The following GREB1L variants were observed in gnomAD, a reference collection of about 807,000 sequenced individuals.
The protein encoded by GREB1L is GREB1-like protein.
A neutral mutation model predicts 200.8 loss-of-function variants in GREB1L; 17 were observed. The ratio of observed to expected loss-of-function variants is 0.08; its 90% CI spans 0.06 to 0.13. The LOEUF is 0.13. GREB1L is among the 10% of genes least tolerant of loss of function. The pLI, the probability that GREB1L is intolerant of heterozygous loss-of-function variation, is 1.00. For missense variants in GREB1L, 1,657 were observed against 2,367.7 expected, an observed-to-expected ratio of 0.70 and a Z score of 6.23; for synonymous variants, 789 against 893.0, an observed-to-expected ratio of 0.88 and a Z score of 2.08.
chr18:21,346,634 C>A (rs1307728912), intron 1 of GREB1L, among the ~76,000 whole-genome samples: 1 of 152,106 alleles, frequency 6.6e-6, no homozygotes, highest in Admixed American at 6.6e-5. Flanking sequence ...TTTCTCCTGT[C>A]CTAATTAGGT....
intron 16 of GREB1L, among the ~76,000 whole-genome samples, chr18:21,474,253 G>T (rs1349178292): frequency 6.6e-6 from 1 of 152,152 alleles, no homozygotes. Context: ...TTCTGCCTAG[G>T]AGCCTGTAAA....
At chr18:21,296,992 G>T (rs1225557249) in intron 1 of GREB1L, among the ~76,000 whole-genome samples, 3 of 152,046 alleles carry the variant, frequency 2.0e-5, no homozygotes, top group African/African-American at 2.4e-5. Flanking sequence ...CAGGATTTTT[G>T]AGTTTTACAC....
At chr18:21,361,047 T>G (rs1193901099) in intron 1 of GREB1L, among the ~76,000 whole-genome samples, 2 of 152,114 alleles carry the variant, frequency 1.3e-5, no homozygotes, top group Non-Finnish European at 2.9e-5. Flanking sequence ...GACCCAGGAG[T>G]CTGTGACCTA....
rs1221614291 is a variant in GREB1L at position 21,521,874 on chromosome 18, T to C, written c.5609-784T>C. Among the ~76,000 whole-genome samples, 12 of 151,072 alleles carry C rather than the reference T, an allele frequency of 7.9e-5. 1 individual carries two copies. Among genetic ancestry groups the C allele is most frequent in the Admixed American group, 7.9e-4 (12 of 15,150 alleles). On this transcript the variant is annotated intron_variant, in intron 32 of 32. Coordinates refer to ENST00000424526, the MANE Select transcript of GREB1L (RefSeq NM_001142966.3). ...AAAAAATTAGCTGGGAGTGGTGGCG[T>C]GCACCTGTAGTCCCAGCCACCTGGG... is the stretch of plus-strand genomic sequence containing the variant.
intron 10 of GREB1L, among the ~76,000 whole-genome samples, chr18:21,443,237 C>G (rs1259424692): frequency 6.6e-6 from 1 of 151,552 alleles, no homozygotes; most frequent in Non-Finnish European, 1.5e-5. Flanking sequence ...GAGTCTCTCT[C>G]TGTGGCTCAG....
At chr18:21,440,182 A>T in intron 8 of GREB1L, 87 bp from the exon 9 acceptor site, 1 of 1,329,690 alleles carries the variant, frequency 7.5e-7, no homozygotes, top group Non-Finnish European at 1.0e-6. Flanking sequence ...GTTCTGTATT[A>T]CTTATATTAC....
chr18:21,474,023 C>T (rs917484489), intron 16 of GREB1L, among the ~76,000 whole-genome samples: 1 of 152,174 alleles, frequency 6.6e-6, no homozygotes, highest in Non-Finnish European at 1.5e-5. Context: ...CCCACTGGGT[C>T]CCTCCCACAA....
intron 1 of GREB1L, among the ~76,000 whole-genome samples, chr18:21,267,959 G>A (rs1277226819): frequency 6.6e-6 from 1 of 152,128 alleles, no homozygotes; most frequent in Non-Finnish European, 1.5e-5. Context: ...GTGAAGTGAG[G>A]AGATTTCCAG....
chr18:21,264,377 T>A (rs1236424039), intron 1 of GREB1L, among the ~76,000 whole-genome samples: 1 of 152,198 alleles, frequency 6.6e-6, no homozygotes, highest in Admixed American at 6.5e-5. Context: ...TGGATCACTT[T>A]AATCTACTCC....
At chr18:21,500,742 A>C in intron 23 of GREB1L, 100 bp downstream of exon 23, 1 of 784,452 alleles carries the variant, frequency 1.3e-6, no homozygotes, top group Admixed American at 3.0e-5. Context: ...TTTCTACAGT[A>C]CCTAACCTGC....
At chr18:21,416,465 C>T (rs566068170) in intron 7 of GREB1L, among the ~76,000 whole-genome samples, 4 of 152,000 alleles carry the variant, frequency 2.6e-5, no homozygotes, top group South Asian at 2.1e-4. Context: ...AAAACTACAC[C>T]GCGGATCACG....
In GREB1L at chr18:21,525,571, C is replaced by A. The variant is rs1031440160; in HGVS notation, c.*2750C>A. Among the ~76,000 whole-genome samples, 16 of 152,192 alleles carry A rather than the reference C, an allele frequency of 1.1e-4. No individual in the cohort carries two copies. The highest frequency in any genetic ancestry group is 3.4e-3 in the Middle Eastern group (1 of 294). On this transcript the variant is annotated 3_prime_UTR_variant, in exon 33 of 33. Transcript: ENST00000424526. ...GTGTTGAAAACATACATAGTAGATA[C>A]CAATCTTTTATTTGACAGATTGCAA...
chr18:21,421,819 C>T (rs35378041), intron 7 of GREB1L, among the ~76,000 whole-genome samples: 28,325 of 152,044 alleles, frequency 0.19, 3,267 homozygotes, highest in Middle Eastern at 0.28. Flanking sequence ...TAATTGGCTC[C>T]CTATGTTTTG....
At chr18:21,301,798 T>C (rs1159234892) in intron 1 of GREB1L, among the ~76,000 whole-genome samples, 1 of 152,238 alleles carries the variant, frequency 6.6e-6, no homozygotes, top group East Asian at 1.9e-4. Flanking sequence ...TCAGCTCAGC[T>C]CAAACCAATT....
At chr18:21,307,934 G>A (rs548382589) in intron 1 of GREB1L, among the ~76,000 whole-genome samples, 22 of 152,244 alleles carry the variant, frequency 1.4e-4, no homozygotes, top group South Asian at 1.0e-3. Flanking sequence ...CAGTTCTGCC[G>A]TTACTGTTGC....
At chr18:21,414,211 A>C (rs1315788102) in intron 7 of GREB1L, among the ~76,000 whole-genome samples, 3 of 152,224 alleles carry the variant, frequency 2.0e-5, no homozygotes, top group Non-Finnish European at 4.4e-5. Context: ...ATGCTAAAAA[A>C]GATCATTATG....
chr18:21,283,569 AG>A, intron 1 of GREB1L, among the ~76,000 whole-genome samples: 1 of 152,314 alleles, frequency 6.6e-6, no homozygotes, highest in East Asian at 1.9e-4. Context: ...AATTTTAAAA[AG>A]CTTTCATTTA....
intron 1 of GREB1L, among the ~76,000 whole-genome samples, chr18:21,321,818 G>A (rs1288691842): frequency 6.6e-6 from 1 of 152,132 alleles, no homozygotes; most frequent in Non-Finnish European, 1.5e-5. Flanking sequence ...TGTCAAAAGG[G>A]CACTTTATAA....
At chr18:21,515,370 C>T in intron 28 of GREB1L, 47 bp from the exon 29 acceptor site, 3 of 1,310,670 alleles carry the variant, frequency 2.3e-6, no homozygotes, top group Non-Finnish European at 3.2e-6. Flanking sequence ...AAATGATCCT[C>T]TCTTCTGTAA....
Sources: gnomAD v4.1 joint callset for allele counts (sites outside exome capture counted in the v4.1 genomes callset) on GRCh38, gnomAD v4.1.1 for gene constraint, MANE v1.5 for transcripts, NCBI Gene and HGNC (gene_info 2026-07-23, HGNC 2026-07-21) for gene names.